ZMYND11: variants seen among roughly 807,000 people sequenced by gnomAD.
The protein encoded by ZMYND11 is zinc finger MYND-type containing 11, also known as zinc finger MYND domain-containing protein 11.
ZMYND11 carries 9 observed loss-of-function variants against 84.9 expected under a neutral mutation model. The observed-to-expected ratio is 0.11, with a 90% CI of 0.06 to 0.18. ZMYND11 has a LOEUF of 0.18. ZMYND11 is among the 10% of genes least tolerant of loss of function. The probability of loss-of-function intolerance (pLI) is 1.00; values close to 1 mark genes in which losing one functional copy is unlikely to be tolerated. For synonymous variants in ZMYND11, 250 were observed against 244.1 expected, an observed-to-expected ratio of 1.02 and a Z score of -0.23; for missense variants, 409 against 761.0, an observed-to-expected ratio of 0.54 and a Z score of 5.44.
intron 10 of ZMYND11, chr10:244,750 G>A (rs1951773780): frequency 2.0e-5 from 3 of 152,180 alleles, no homozygotes; most frequent in South Asian, 2.1e-4. Context: ...AATTGCGGGT[G>A]TTTGCTTTTT....
At chr10:241,663 T>C (rs2131797942) in intron 9 of ZMYND11, among the ~76,000 whole-genome samples, 1 of 152,370 alleles carries the variant, frequency 6.6e-6, no homozygotes, top group Non-Finnish European at 1.5e-5. Flanking sequence ...AAGCCAGCCC[T>C]GTGAAGACAG....
chr10:221,159 A>G, intron 3 of ZMYND11, 36 bp from the exon 4 acceptor site: 7 of 1,599,826 alleles, frequency 4.4e-6, no homozygotes, highest in Non-Finnish European at 6.0e-6. Context: ...GATATTGACA[A>G]AATGTCATAC....
intron 8 of ZMYND11, 151 bp downstream of exon 8, chr10:240,262 T>G: frequency 1.7e-6 from 1 of 596,660 alleles, no homozygotes; most frequent in Non-Finnish European, 2.7e-6. Context: ...TCCCAGCACT[T>G]TGGGAGGCCA....
chr10:187,963 T>C (rs1939197847), intron 2 of ZMYND11, among the ~76,000 whole-genome samples: 1 of 152,178 alleles, frequency 6.6e-6, no homozygotes, highest in African/African-American at 2.4e-5. Context: ...AAATTAGTCA[T>C]TTTATCATGA....
intron 3 of ZMYND11, among the ~76,000 whole-genome samples, chr10:214,254 T>G (rs1443313519): frequency 6.6e-6 from 1 of 152,158 alleles, no homozygotes; most frequent in Non-Finnish European, 1.5e-5. Context: ...TTATTTAAAG[T>G]AAGGCCACTC....
chr10:219,802 A>T (rs532863246), intron 3 of ZMYND11, among the ~76,000 whole-genome samples: 51 of 152,304 alleles, frequency 3.3e-4, no homozygotes, highest in Non-Finnish European at 3.2e-4. Context: ...TGCAGAGTGT[A>T]TACATCTGTA....
chr10:239,991 A>G lies in ZMYND11; in HGVS notation c.698-65A>G, dbSNP rs544092887. On this transcript the variant is annotated intron_variant, in intron 7 of 14. Coordinates refer to ENST00000381604, the MANE Select transcript of ZMYND11 (RefSeq NM_001370100.5). The stretch of plus-strand genomic sequence containing the variant: ...TACTTTTGCAAACTGAAAGAAAAGG[A>G]TAGTAACTTTGAGTCTTGTATTTGC... 3.6e-6 allele frequency: 5 copies of G among 1,388,596 alleles called. No homozygotes were observed. The Admixed American group carries it at 1.0e-4, about 28-fold the overall frequency. The allele number at this position is 1,388,596 out of a possible 1,614,324, so 86.0% of individuals were successfully genotyped here.
At position 239,683 on chromosome 10, in the gene ZMYND11, A is replaced by G. The variant is rs368042791; in HGVS notation, c.697+158A>G. On this transcript the variant is annotated intron_variant, in intron 7 of 14. Coordinates refer to ENST00000381604, the MANE Select transcript of ZMYND11 (RefSeq NM_001370100.5). ...TTAGGAATATCTGGTGATATAGATTATAGAATGGACTGGCCAAAAACAAAA... is the reference window on the plus strand; with the variant it reads ...TTAGGAATATCTGGTGATATAGATTGTAGAATGGACTGGCCAAAAACAAAA... Among the ~76,000 whole-genome samples the G allele has an allele frequency of 4.6e-5, 7 of 152,368 alleles. No individual in the cohort carries two copies. The East Asian group carries it at 5.8e-4, about 13-fold the overall frequency.
chr10:156,927 G>C (rs1841851060), intron 1 of ZMYND11, among the ~76,000 whole-genome samples: 1 of 152,224 alleles, frequency 6.6e-6, no homozygotes. Flanking sequence ...AGGATTGGCA[G>C]TATAGGCTGT....
chr10:138,928 C>G (rs1299776516), intron 1 of ZMYND11, among the ~76,000 whole-genome samples: 1 of 152,192 alleles, frequency 6.6e-6, no homozygotes, highest in African/African-American at 2.4e-5. Context: ...ACTGCAGCCT[C>G]TGCCTCCTGG....
chr10:170,453 T>TGC (rs1423561698), intron 1 of ZMYND11, among the ~76,000 whole-genome samples: 16 of 135,106 alleles, frequency 1.2e-4, no homozygotes, highest in African/African-American at 3.6e-4. Context: ...TGTGTGTGTG[T>TGC]GTGCGTGCTT....
chr10:221,366 T>C lies in ZMYND11; in HGVS notation c.438+10T>C. ...GTGCCCAGTTTGCAGGGTGAGTACC[T>C]ATGAGCTTTCCTGTGCTGGTTAGAG... is the stretch of plus-strand genomic sequence containing the variant. On this transcript the variant is annotated intron_variant, in intron 4 of 14. Coordinates refer to ENST00000381604, the MANE Select transcript of ZMYND11 (RefSeq NM_001370100.5). 1 of 1,612,402 alleles carries C rather than the reference T, an allele frequency of 6.2e-7. No homozygotes were observed. Among genetic ancestry groups the C allele is most frequent in the Non-Finnish European group, 8.5e-7 (1 of 1,179,170 alleles).
At chr10:229,742 G>C (rs1477953518) in intron 4 of ZMYND11, among the ~76,000 whole-genome samples, 1 of 152,188 alleles carries the variant, frequency 6.6e-6, no homozygotes, top group Non-Finnish European at 1.5e-5. Context: ...TTGAGTCTTA[G>C]TGGTTTGAAG....
chr10:217,575 G>A (rs1374969815), intron 3 of ZMYND11, among the ~76,000 whole-genome samples: 1 of 151,508 alleles, frequency 6.6e-6, no homozygotes, highest in Non-Finnish European at 1.5e-5. Flanking sequence ...AAAATGCCTA[G>A]CAAAGAAATG....
At chr10:233,561 A>C (rs1215015729) in intron 4 of ZMYND11, among the ~76,000 whole-genome samples, 1 of 152,222 alleles carries the variant, frequency 6.6e-6, no homozygotes, top group Non-Finnish European at 1.5e-5. Context: ...TTCCTGGGGT[A>C]GTTATGAAGG....
At chr10:185,413 A>G (rs893473066) in intron 2 of ZMYND11, among the ~76,000 whole-genome samples, 3 of 146,792 alleles carry the variant, frequency 2.0e-5, no homozygotes, top group Admixed American at 7.1e-5. Flanking sequence ...CAGTAACTCT[A>G]TCTAGTAGGT....
chr10:241,181 CCTTTTT>C (rs1366553407), intron 9 of ZMYND11, among the ~76,000 whole-genome samples: 2 of 151,838 alleles, frequency 1.3e-5, no homozygotes, highest in Non-Finnish European at 2.9e-5. Context: ...AATATTGGGT[CCTTTTT>C]CTTTTTGAGA....
At chr10:248,263 C>T (rs1183762453) in intron 12 of ZMYND11, 73 bp from the exon 13 acceptor site, 16 of 1,528,710 alleles carry the variant, frequency 1.0e-5, no homozygotes, top group African/African-American at 5.5e-5. Flanking sequence ...AATTTTTATC[C>T]GAATGGGGTA....
At chr10:232,281 T>C (rs1949134228) in intron 4 of ZMYND11, among the ~76,000 whole-genome samples, 1 of 152,240 alleles carries the variant, frequency 6.6e-6, no homozygotes, top group South Asian at 2.1e-4. Flanking sequence ...CACGGCTTGT[T>C]ACCTTAGAAA....
Sources: gnomAD v4.1 joint callset for allele counts (sites outside exome capture counted in the v4.1 genomes callset) on GRCh38, gnomAD v4.1.1 for gene constraint, MANE v1.5 for transcripts, NCBI Gene and HGNC (gene_info 2026-07-23, HGNC 2026-07-21) for gene names.